PLD1: variants seen among roughly 807,000 people sequenced by gnomAD.
PLD1 encodes the protein choline phosphatase 1.
PLD1 carries 112 observed loss-of-function variants against 137.1 expected under a neutral mutation model. The observed-to-expected ratio is 0.82, with a 90% CI of 0.70 to 0.96. The LOEUF (loss-of-function observed/expected upper bound fraction) is 0.96. Ranked by LOEUF, PLD1 falls within the 40% of genes least tolerant of loss-of-function variation. PLD1 has a pLI of 0.00. For missense variants in PLD1, 1,321 were observed against 1,342.0 expected, an observed-to-expected ratio of 0.98 and a Z score of 0.24; for synonymous variants, 431 against 454.7, an observed-to-expected ratio of 0.95 and a Z score of 0.66.
chr3:171,619,754 C>A (rs909364294), intron 24 of PLD1, among the ~76,000 whole-genome samples: 3 of 152,080 alleles, frequency 2.0e-5, no homozygotes, highest in Non-Finnish European at 4.4e-5. Flanking sequence ...TTATCCCCCA[C>A]CAATCCCTGA....
intron 16 of PLD1, among the ~76,000 whole-genome samples, chr3:171,681,322 A>G (rs540784433): frequency 2.6e-5 from 4 of 152,326 alleles, no homozygotes; most frequent in African/African-American, 9.6e-5. Context: ...TAGGTATTGT[A>G]TTACCTTTCT....
intron 1 of PLD1, among the ~76,000 whole-genome samples, chr3:171,800,542 G>A (rs1435353173): frequency 6.6e-6 from 1 of 152,140 alleles, no homozygotes. Flanking sequence ...ATATACAATA[G>A]TATGTTTTCT....
At chr3:171,746,224 A>G (rs1882254) in intron 1 of PLD1, among the ~76,000 whole-genome samples, 57,502 of 152,026 alleles carry the variant, frequency 0.38, 12,373 homozygotes, top group African/African-American at 0.58. Flanking sequence ...GCTCCACAGC[A>G]CCTGGTACCA....
Position 171,662,160 on chromosome 3 carries a change from G to A in PLD1, c.2240C>T (p.Ser747Phe), listed in dbSNP as rs1420216877. ...TATACCAGCAGACCAATCAGCAGCA[G>A]AGCGGAGCAACTACAAGGCAGCAAT... The part of the protein sequence containing the change: ...SVHANVQLLR[S>F]AADWSAGIKY... Residue 747 changes from serine (S) to phenylalanine (F), a missense_variant, in exon 20 of 27, where the codon TCT (serine) becomes TTT (phenylalanine). By Grantham distance (155) the Ser-to-Phe change is radical (BLOSUM62 -2). Transcript: ENST00000351298. 1 of 1,608,170 alleles carries A rather than the reference G, an allele frequency of 6.2e-7. No homozygotes were observed. Among genetic ancestry groups the A allele is most frequent in the Non-Finnish European group, 8.5e-7 (1 of 1,174,738 alleles).
At chr3:171,731,778 GA>G (rs1190135332) in intron 6 of PLD1, among the ~76,000 whole-genome samples, 7 of 144,602 alleles carry the variant, frequency 4.8e-5, no homozygotes, top group East Asian at 2.0e-4. Context: ...TCCCAAAAAA[GA>G]AAAAAAAAAG....
At chr3:171,634,422 C>T (rs1018367576) in intron 23 of PLD1, among the ~76,000 whole-genome samples, 2 of 151,988 alleles carry the variant, frequency 1.3e-5, no homozygotes, top group African/African-American at 4.8e-5. Context: ...TTTATTTTAT[C>T]GATATATCTT....
At chr3:171,791,287 T>C (rs1255978871) in intron 1 of PLD1, among the ~76,000 whole-genome samples, 2 of 152,116 alleles carry the variant, frequency 1.3e-5, no homozygotes, top group South Asian at 4.1e-4. Flanking sequence ...CATGTTGGAG[T>C]CATCTAATTT....
At position 171,703,501 on chromosome 3, in the gene PLD1, G is replaced by A. The variant is rs889250689; in HGVS notation, c.1146-3675C>T. The stretch of plus-strand genomic sequence containing the variant: ...ATTTAGCAAGGTCACAAGCTATAAG[G>A]TAAATACACAAAAATCAATTGCATT... On this transcript the variant is annotated intron_variant, in intron 11 of 26. Coordinates refer to ENST00000351298, the MANE Select transcript of PLD1 (RefSeq NM_002662.5). Among the ~76,000 whole-genome samples the A allele has an allele frequency of 8.5e-5, 13 of 152,174 alleles. 1 individual carries two copies. The highest frequency in any genetic ancestry group is 1.8e-4 in the Non-Finnish European group (12 of 67,992).
chr3:171,687,330 G>A lies in PLD1; in HGVS notation c.1753+41C>T, dbSNP rs777769005. The A allele has an allele frequency of 2.7e-6, 4 of 1,496,588 alleles. No homozygotes were observed. In the East Asian group the frequency reaches 9.0e-5, roughly 34 times the overall value. The allele number at this position is 1,496,588 out of a possible 1,614,324, so 92.7% of individuals were successfully genotyped here. ...TGTAGTGTCTGGCTATGGAAGAACA[G>A]TGGGTAGTTAAGATAAATTCTAGTC... On this transcript the variant is annotated intron_variant, in intron 15 of 26. Coordinates refer to ENST00000351298, the MANE Select transcript of PLD1 (RefSeq NM_002662.5).
At chr3:171,782,299 T>C (rs767847334) in intron 1 of PLD1, among the ~76,000 whole-genome samples, 4 of 152,232 alleles carry the variant, frequency 2.6e-5, no homozygotes, top group Non-Finnish European at 5.9e-5. Context: ...GCGATGGTCA[T>C]GTTCTGTACC....
chr3:171,716,704 C>G (rs190152816), intron 8 of PLD1, among the ~76,000 whole-genome samples: 30 of 152,236 alleles, frequency 2.0e-4, no homozygotes, highest in African/African-American at 6.7e-4. Context: ...TCTGTCTACT[C>G]TGTTGATAGT....
chr3:171,660,564 C>T (rs1560190267), intron 20 of PLD1, among the ~76,000 whole-genome samples: 2 of 152,172 alleles, frequency 1.3e-5, no homozygotes, highest in East Asian at 3.9e-4. Flanking sequence ...TCATTTAATA[C>T]TACTGTCACA....
At chr3:171,672,233 GCTAA>G (rs1170608936) in intron 19 of PLD1, among the ~76,000 whole-genome samples, 2 of 152,124 alleles carry the variant, frequency 1.3e-5, no homozygotes, top group East Asian at 1.9e-4. Context: ...TCTCTCCCCA[GCTAA>G]CTAAGTTTCC....
intron 24 of PLD1, among the ~76,000 whole-genome samples, chr3:171,618,303 C>T (rs1467923412): frequency 6.6e-6 from 1 of 152,132 alleles, no homozygotes; most frequent in Non-Finnish European, 1.5e-5. Context: ...TTAAAAACCT[C>T]AACAAATTTA....
At chr3:171,624,724 T>A (rs551501375) in intron 23 of PLD1, among the ~76,000 whole-genome samples, 43 of 152,254 alleles carry the variant, frequency 2.8e-4, no homozygotes, top group African/African-American at 1.0e-3. Context: ...TGAAGATCTC[T>A]GTGAATTAAT....
In PLD1 at chr3:171,706,521, C is replaced by G. The variant is rs568412628; in HGVS notation, c.1145+2234G>C. ...GTCTCCGGCCCAACCTTTGTCTCTTCTGTTTCTCTACCCTTTACAAACACC... is the reference window on the plus strand; with the variant it reads ...GTCTCCGGCCCAACCTTTGTCTCTTGTGTTTCTCTACCCTTTACAAACACC... On this transcript the variant is annotated intron_variant, in intron 11 of 26. Transcript: ENST00000351298. Among the ~76,000 whole-genome samples, 35 of 152,246 alleles carry G rather than the reference C, an allele frequency of 2.3e-4. 1 individual carries two copies. The highest frequency in any genetic ancestry group is 7.5e-4 in the African/African-American group (31 of 41,554).
intron 18 of PLD1, among the ~76,000 whole-genome samples, chr3:171,674,890 A>C (rs1190503992): frequency 6.6e-6 from 1 of 150,670 alleles, no homozygotes; most frequent in African/African-American, 2.4e-5. Context: ...GAGGCAGGAG[A>C]ATCACTTGAA....
At chr3:171,637,330 G>A (rs978777547) in intron 23 of PLD1, among the ~76,000 whole-genome samples, 1 of 152,072 alleles carries the variant, frequency 6.6e-6, no homozygotes, top group African/African-American at 2.4e-5. Context: ...CAGCCTCCCG[G>A]GTTCAAGCGA....
chr3:171,624,400 ACT>A (rs1244084777), intron 23 of PLD1, among the ~76,000 whole-genome samples: 1 of 152,084 alleles, frequency 6.6e-6, no homozygotes, highest in Non-Finnish European at 1.5e-5. Flanking sequence ...TTGAAGACAG[ACT>A]CTCTCATATA....
Sources: gnomAD v4.1 joint callset for allele counts (sites outside exome capture counted in the v4.1 genomes callset) on GRCh38, gnomAD v4.1.1 for gene constraint, MANE v1.5 for transcripts, NCBI Gene and HGNC (gene_info 2026-07-23, HGNC 2026-07-21) for gene names.